The following L3MBTL4 variants were observed in gnomAD, a reference collection of about 807,000 sequenced individuals.
L3MBTL4 encodes the protein lethal(3)malignant brain tumor-like protein 4.
Under a neutral mutation model 84.5 loss-of-function variants are expected in L3MBTL4, and 70 were observed. The ratio of observed to expected loss-of-function variants is 0.83; its 90% CI spans 0.68 to 1.01. The LOEUF (loss-of-function observed/expected upper bound fraction) is 1.01. Ranked by LOEUF, L3MBTL4 falls within the 50% of genes least tolerant of loss-of-function variation. L3MBTL4 has a pLI of 0.00. For synonymous variants in L3MBTL4, 274 were observed against 259.8 expected (o/e 1.05, Z -0.52); for missense variants, 715 against 754.8 (o/e 0.95, Z 0.62).
At chr18:5,962,198 G>A (rs1238104900) in intron 17 of L3MBTL4, among the ~76,000 whole-genome samples, 1 of 152,146 alleles carries the variant, frequency 6.6e-6, no homozygotes, top group Non-Finnish European at 1.5e-5. Context: ...GGAAGGCTAT[G>A]GGTGTTAGGA....
chr18:6,357,124 T>A lies in L3MBTL4; in HGVS notation c.-90-45068A>T, dbSNP rs1333328747. The stretch of plus-strand genomic sequence containing the variant: ...CTTTTGCTGTATCTCATCCAAAGCG[T>A]TGATATCTTATCAAGTTAGCTCCCA... On this transcript the variant is annotated intron_variant, in intron 1 of 18. Transcript: ENST00000317931. Among the ~76,000 whole-genome samples the A allele has an allele frequency of 1.2e-4, 19 of 152,210 alleles. 1 individual carries two copies. The highest frequency in any genetic ancestry group is 1.2e-3 in the Admixed American group (19 of 15,280).
intron 16 of L3MBTL4, among the ~76,000 whole-genome samples, chr18:6,025,979 T>A (rs960382721): frequency 3.3e-5 from 5 of 152,216 alleles, no homozygotes; most frequent in Admixed American, 2.6e-4. Context: ...TGCTTCTATC[T>A]ATCTGATGGC....
chr18:6,239,712 T>G lies in L3MBTL4; in HGVS notation c.707+6A>C, dbSNP rs971308619. On this transcript the variant is annotated splice_donor_region_variant and intron_variant, in intron 9 of 18. Coordinates refer to ENST00000317931, the MANE Select transcript of L3MBTL4 (RefSeq NM_001330559.2). ...CACAAAAATAAAACACACATTCATA[T>G]CTCACCAGTAATCGTAACTATCATC... 1.6e-5 allele frequency: 25 copies of G among 1,612,224 alleles called. No homozygotes were observed. The highest frequency in any genetic ancestry group is 2.1e-5 in the Non-Finnish European group (25 of 1,179,570).
intron 1 of L3MBTL4, among the ~76,000 whole-genome samples, chr18:6,383,760 A>G (rs896620254): frequency 2.0e-5 from 3 of 152,192 alleles, no homozygotes; most frequent in African/African-American, 7.2e-5. Flanking sequence ...CTATTCAGCC[A>G]TCTTGCCAGC....
chr18:6,402,181 T>G (rs1308207347), intron 1 of L3MBTL4, among the ~76,000 whole-genome samples: 1 of 152,208 alleles, frequency 6.6e-6, no homozygotes, highest in Admixed American at 6.5e-5. Flanking sequence ...CTCTTCAAAA[T>G]AAGTACCTCG....
chr18:6,072,881 A>AATATATAT (rs71163258), intron 16 of L3MBTL4, among the ~76,000 whole-genome samples: 2 of 20,444 alleles, frequency 9.8e-5, no homozygotes, highest in Non-Finnish European at 1.8e-4. Flanking sequence ...AAAAAAAAAA[A>AATATATAT]ATATATATAT....
At chr18:6,177,112 C>A (rs1207529441) in intron 12 of L3MBTL4, among the ~76,000 whole-genome samples, 1 of 152,074 alleles carries the variant, frequency 6.6e-6, no homozygotes, top group East Asian at 1.9e-4. Context: ...GTGTGCCTAC[C>A]CTGTGACTCC....
At chr18:6,069,052 T>C (rs1259412161) in intron 16 of L3MBTL4, among the ~76,000 whole-genome samples, 3 of 152,220 alleles carry the variant, frequency 2.0e-5, no homozygotes, top group Admixed American at 2.0e-4. Flanking sequence ...GATCCAGAAA[T>C]GTGAACTAAT....
intron 14 of L3MBTL4, among the ~76,000 whole-genome samples, chr18:6,127,804 T>C (rs952213093): frequency 6.6e-6 from 1 of 152,146 alleles, no homozygotes; most frequent in African/African-American, 2.4e-5. Context: ...CTGATGGTGG[T>C]GGAGGGGAGG....
At chr18:5,964,745 C>T (rs1033337942) in intron 17 of L3MBTL4, among the ~76,000 whole-genome samples, 3 of 152,276 alleles carry the variant, frequency 2.0e-5, no homozygotes, top group East Asian at 3.9e-4. Context: ...CCAAGCATAC[C>T]TGAGTCATAC....
intron 16 of L3MBTL4, among the ~76,000 whole-genome samples, chr18:6,050,097 C>T (rs1343581363): frequency 6.6e-6 from 1 of 152,074 alleles, no homozygotes; most frequent in South Asian, 2.1e-4. Context: ...ACCCACAATA[C>T]TCATGCTACT....
chr18:6,404,678 C>A (rs1335979447), intron 1 of L3MBTL4, among the ~76,000 whole-genome samples: 1 of 148,648 alleles, frequency 6.7e-6, no homozygotes, highest in Non-Finnish European at 1.5e-5. Flanking sequence ...TAAGCAATTT[C>A]TTTTTCTTCA....
At chr18:5,992,637 C>T (rs2145164945) in intron 16 of L3MBTL4, among the ~76,000 whole-genome samples, 1 of 152,288 alleles carries the variant, frequency 6.6e-6, no homozygotes, top group East Asian at 1.9e-4. Context: ...CTTGGGCCAT[C>T]CCCTTGGTGA....
At chr18:6,061,885 A>G (rs990887587) in intron 16 of L3MBTL4, among the ~76,000 whole-genome samples, 6 of 151,958 alleles carry the variant, frequency 3.9e-5, no homozygotes, top group Non-Finnish European at 7.4e-5. Context: ...CAAGCACCTT[A>G]TAGCAGAATA....
chr18:5,990,770 G>GT (rs1567956295), intron 16 of L3MBTL4, among the ~76,000 whole-genome samples: 2,326 of 142,346 alleles, frequency 0.016, 76 homozygotes, highest in African/African-American at 0.057. Flanking sequence ...GGTTCATGTG[G>GT]GTGTGTGTGT....
At chr18:6,272,390 CGGG>C (rs2048915786) in intron 4 of L3MBTL4, among the ~76,000 whole-genome samples, 1 of 146,792 alleles carries the variant, frequency 6.8e-6, no homozygotes, top group Admixed American at 6.7e-5. Context: ...TTCAGGAGCA[CGGG>C]GAAAGGGGGA....
At chr18:6,201,189 C>T (rs1353002631) in intron 12 of L3MBTL4, among the ~76,000 whole-genome samples, 2 of 152,032 alleles carry the variant, frequency 1.3e-5, no homozygotes, top group Admixed American at 6.6e-5. Context: ...CCATAAATAC[C>T]TATGATGAAA....
At chr18:6,041,575 T>C (rs1278238653) in intron 16 of L3MBTL4, among the ~76,000 whole-genome samples, 1 of 151,856 alleles carries the variant, frequency 6.6e-6, no homozygotes, top group Non-Finnish European at 1.5e-5. Context: ...CTACCTGCTC[T>C]TCCTGTGCGT....
At chr18:6,362,239 A>C (rs2053736866) in intron 1 of L3MBTL4, among the ~76,000 whole-genome samples, 1 of 149,432 alleles carries the variant, frequency 6.7e-6, no homozygotes. Flanking sequence ...GGGGACTGAA[A>C]GGAAAGGAAA....
Sources: gnomAD v4.1 joint callset for allele counts (sites outside exome capture counted in the v4.1 genomes callset) on GRCh38, gnomAD v4.1.1 for gene constraint, MANE v1.5 for transcripts, NCBI Gene and HGNC (gene_info 2026-07-23, HGNC 2026-07-21) for gene names.